The following ZNF131 variants were observed in gnomAD, a reference collection of about 807,000 sequenced individuals.
ZNF131 encodes zinc finger protein 131.
In ZNF131, 7 loss-of-function variants were observed where a neutral mutation model predicts 60.0. The observed-to-expected ratio is 0.12, with a 90% CI of 0.07 to 0.22. The LOEUF (loss-of-function observed/expected upper bound fraction) is 0.22, where lower values mean the gene tolerates loss of function less well. Among genes scored for constraint, ZNF131 ranks in the 10% least tolerant of loss-of-function variants. ZNF131 has a pLI of 1.00. For missense variants in ZNF131, 493 were observed against 740.9 expected (o/e 0.67, Z 3.88); for synonymous variants, 257 against 253.2 (o/e 1.01, Z -0.14).
intron 2 of ZNF131, 58 bp from the exon 3 acceptor site, chr5:43,123,151 T>G: frequency 7.3e-7 from 1 of 1,379,098 alleles, no homozygotes; most frequent in Non-Finnish European, 1.0e-6. Context: ...ATTTTGTAGT[T>G]ATACATTTGA....
intron 3 of ZNF131, among the ~76,000 whole-genome samples, chr5:43,127,396 G>T (rs1220899121): frequency 6.6e-6 from 1 of 152,144 alleles, no homozygotes; most frequent in African/African-American, 2.4e-5. Flanking sequence ...CCACTACATG[G>T]GGATCATTTG....
intron 1 of ZNF131, 181 bp from the exon 2 acceptor site, chr5:43,121,858 C>A: frequency 1.8e-6 from 1 of 549,520 alleles, no homozygotes; most frequent in Non-Finnish European, 2.9e-6. Flanking sequence ...GGCCGCGGCT[C>A]CGGTCTCAAC....
At chr5:43,171,531 C>A (rs1242194882) in intron 5 of ZNF131, among the ~76,000 whole-genome samples, 2 of 152,106 alleles carry the variant, frequency 1.3e-5, no homozygotes, top group Non-Finnish European at 2.9e-5. Flanking sequence ...GCACTCCAGC[C>A]TAGGCAACAA....
chr5:43,169,227 T>C (rs1169366857), intron 5 of ZNF131, among the ~76,000 whole-genome samples: 2 of 152,242 alleles, frequency 1.3e-5, no homozygotes, highest in African/African-American at 4.8e-5. Context: ...AGATACCTAC[T>C]TTATAGGGTT....
At chr5:43,132,501 T>C (rs1377519701) in intron 3 of ZNF131, among the ~76,000 whole-genome samples, 1 of 140,778 alleles carries the variant, frequency 7.1e-6, no homozygotes, top group African/African-American at 2.7e-5. Flanking sequence ...TCCTGAATGG[T>C]ATTCTTTTTT....
chr5:43,158,755 T>C (rs1195440809), intron 4 of ZNF131, among the ~76,000 whole-genome samples: 1 of 152,190 alleles, frequency 6.6e-6, no homozygotes, highest in Non-Finnish European at 1.5e-5. Context: ...GACTATACAG[T>C]GTAGTCAACA....
chr5:43,157,264 A>G (rs1749080892), intron 4 of ZNF131, among the ~76,000 whole-genome samples: 1 of 152,218 alleles, frequency 6.6e-6, no homozygotes, highest in African/African-American at 2.4e-5. Context: ...CCCAGGTTTT[A>G]TCATTCTTCC....
chr5:43,167,363 A>G (rs575678118), intron 5 of ZNF131, among the ~76,000 whole-genome samples: 22 of 152,322 alleles, frequency 1.4e-4, no homozygotes, highest in Admixed American at 5.9e-4. Context: ...AAAAAGTCCA[A>G]TAAAGTAAAG....
intron 6 of ZNF131, among the ~76,000 whole-genome samples, chr5:43,174,178 A>C (rs1258720411): frequency 6.6e-6 from 1 of 152,230 alleles, no homozygotes; most frequent in East Asian, 1.9e-4. Context: ...CAGTGAGCCG[A>C]GATCGCACCA....
intron 5 of ZNF131, among the ~76,000 whole-genome samples, chr5:43,169,113 A>G (rs771385992): frequency 2.0e-5 from 3 of 152,242 alleles, no homozygotes; most frequent in Non-Finnish European, 2.9e-5. Flanking sequence ...GTGTGTCCAG[A>G]AATCAGAATT....
Position 43,174,865 on chromosome 5 carries a change from G to T in ZNF131, c.1604G>T (p.Gly535Val). 6.2e-7 allele frequency: 1 copy of T among 1,614,140 alleles called. No homozygotes were observed. The highest frequency in any genetic ancestry group is 1.3e-5 in the African/African-American group (1 of 75,024). The change falls in exon 7 of 7, where the codon GGT becomes GTT. Residue 535 changes from glycine to valine, a missense_variant. Coordinates refer to ENST00000682664, the MANE Select transcript of ZNF131 (RefSeq NM_001330707.2). ...LEVGRIQTEE[G>V]TEVHVEELHV... ...GTGGGCCGAATTCAGACTGAAGAAGGTACTGAAGTACATGTAGAGGAGCTG... is the reference window on the plus strand; with the variant it reads ...GTGGGCCGAATTCAGACTGAAGAAGTTACTGAAGTACATGTAGAGGAGCTG...
In ZNF131 at chr5:43,175,883, TAA is replaced by T. The variant is rs1292820512; in HGVS notation, c.*751_*752del. 8.0e-6 allele frequency: 1 copy of T among 124,924 alleles called. No homozygotes were observed. Among genetic ancestry groups the T allele is most frequent in the African/African-American group, 2.7e-5 (1 of 37,252 alleles). 7.7% of individuals were successfully genotyped at this position (124,924 alleles called of 1,614,324 possible). A position where few individuals can be genotyped will look rare whatever the true frequency, so the allele number is the denominator to read the frequency against. ...TGACAACCACCAGTTCTTTTTCACT[TAA>T]GTTAGGTTGAGAAATTTTATTTAAT... On this transcript the variant is annotated 3_prime_UTR_variant, in exon 7 of 7. Coordinates refer to ENST00000682664, the MANE Select transcript of ZNF131 (RefSeq NM_001330707.2).
chr5:43,165,984 A>T (rs1293955541), intron 5 of ZNF131, among the ~76,000 whole-genome samples: 1 of 152,176 alleles, frequency 6.6e-6, no homozygotes, highest in African/African-American at 2.4e-5. Flanking sequence ...ATGTTATAGA[A>T]ATTCCTTAAA....
chr5:43,169,142 C>A (rs1750684416), intron 5 of ZNF131, among the ~76,000 whole-genome samples: 1 of 152,182 alleles, frequency 6.6e-6, no homozygotes, highest in South Asian at 2.1e-4. Flanking sequence ...ATCTCCAGTT[C>A]AGCATTTGCC....
chr5:43,159,082 T>C (rs1440327764), intron 4 of ZNF131, among the ~76,000 whole-genome samples: 1 of 152,158 alleles, frequency 6.6e-6, no homozygotes, highest in Non-Finnish European at 1.5e-5. Context: ...AAGAGTGACA[T>C]AGAGTGGCCC....
chr5:43,125,335 T>C (rs1334371641), intron 3 of ZNF131, among the ~76,000 whole-genome samples: 1 of 151,608 alleles, frequency 6.6e-6, no homozygotes, highest in East Asian at 2.0e-4. Flanking sequence ...ATTTTAGCTC[T>C]TGTTACCCAG....
chr5:43,139,876 G>A (rs1197428216), intron 4 of ZNF131, among the ~76,000 whole-genome samples: 2 of 152,104 alleles, frequency 1.3e-5, no homozygotes, highest in African/African-American at 4.8e-5. Context: ...CAATTGCTGA[G>A]GAGCCATTCC....
At chr5:43,121,554 C>T (rs1743806290) in intron 1 of ZNF131, 1 of 152,666 alleles carries the variant, frequency 6.6e-6, no homozygotes, top group Non-Finnish European at 1.5e-5. Context: ...GCCTGGGCCG[C>T]TCCTCCTTCC....
intron 5 of ZNF131, among the ~76,000 whole-genome samples, chr5:43,164,670 G>A (rs143279638): frequency 0.013 from 1,955 of 152,262 alleles, 24 homozygotes; most frequent in Middle Eastern, 0.048. Context: ...GACCACTTTG[G>A]ACATCTTTAA....
Sources: allele counts gnomAD v4.1 joint callset (sites outside exome capture counted in the v4.1 genomes callset), GRCh38; gene constraint gnomAD v4.1.1; transcripts MANE v1.5; gene names NCBI Gene and HGNC (gene_info 2026-07-23, HGNC 2026-07-21).